CDCA8: variants seen among roughly 807,000 people sequenced by gnomAD.
The protein encoded by CDCA8 is borealin.
CDCA8 carries 25 observed loss-of-function variants against 40.0 expected under a neutral mutation model. The ratio of observed to expected loss-of-function variants is 0.63; its 90% confidence interval spans 0.46 to 0.87. CDCA8 has a LOEUF of 0.87. Ranked by LOEUF, CDCA8 falls within the 40% of genes least tolerant of loss-of-function variation. The pLI, the probability that CDCA8 is intolerant of heterozygous loss-of-function variation, is 0.00. For synonymous variants in CDCA8, 111 were observed against 126.5 expected (o/e 0.88, Z 0.82); for missense variants, 280 against 348.4 (o/e 0.80, Z 1.56).
Position 37,703,246 on chromosome 1 carries a change from C to T in CDCA8, c.489-6C>T. ...GGCATACCTGATGGCCATTTCTTACCTGTAGGTCAAGCCGTGCTAACACTG... is the reference window on the plus strand; with the variant it reads ...GGCATACCTGATGGCCATTTCTTACTTGTAGGTCAAGCCGTGCTAACACTG... On this transcript the variant is annotated splice_region_variant and splice_polypyrimidine_tract_variant and intron_variant, in intron 6 of 9. Transcript: ENST00000373055. The T allele has an allele frequency of 6.2e-7, 1 of 1,610,842 alleles. No homozygotes were observed. Among genetic ancestry groups the T allele is most frequent in the Non-Finnish European group, 8.5e-7 (1 of 1,177,640 alleles).
chr1:37,694,524 A>G (rs1450144254), intron 2 of CDCA8, among the ~76,000 whole-genome samples: 2 of 152,250 alleles, frequency 1.3e-5, no homozygotes, highest in East Asian at 1.9e-4. Flanking sequence ...AAATCCACAT[A>G]CAATTATGTA....
intron 5 of CDCA8, 141 bp downstream of exon 5, chr1:37,700,662 T>C: frequency 1.6e-6 from 1 of 623,740 alleles, no homozygotes; most frequent in Non-Finnish European, 2.9e-6. Context: ...AAGAGATAAT[T>C]GACTGGTGTG....
chr1:37,708,781 C>T lies in CDCA8; in HGVS notation c.*415C>T. 3.7e-6 allele frequency: 1 copy of T among 273,920 alleles called. No individual in the cohort carries two copies. The highest frequency in any genetic ancestry group is 4.4e-5 in the South Asian group (1 of 22,642). The allele number at this position is 273,920 out of a possible 1,614,324, so 17.0% of individuals were successfully genotyped here. ...CAGAGAACCTCTGCATCTGGCATTT[C>T]TGCTCTCTATGCTTGAGACCGGGAG... On this transcript the variant is annotated 3_prime_UTR_variant, in exon 10 of 10. Coordinates refer to ENST00000373055, the MANE Select transcript of CDCA8 (RefSeq NM_001256875.2).
At chr1:37,695,652 T>C (rs149067044) in intron 2 of CDCA8, among the ~76,000 whole-genome samples, 172 of 152,274 alleles carry the variant, frequency 1.1e-3, no homozygotes, top group African/African-American at 3.5e-3. Flanking sequence ...ATGTTTGAGC[T>C]GAGTTTTGAA....
At chr1:37,707,865 A>G (rs1031958987) in intron 9 of CDCA8, among the ~76,000 whole-genome samples, 1 of 152,224 alleles carries the variant, frequency 6.6e-6, no homozygotes, top group East Asian at 1.9e-4. Context: ...GAAGAATGTA[A>G]TGGCTCCGCC....
chr1:37,707,399 C>G (rs1645608972), intron 9 of CDCA8, among the ~76,000 whole-genome samples: 1 of 152,132 alleles, frequency 6.6e-6, no homozygotes, highest in Non-Finnish European at 1.5e-5. Context: ...GAATGAGGGT[C>G]GGGGCTTGTT....
At chr1:37,693,972 T>C (rs1457394672) in intron 2 of CDCA8, among the ~76,000 whole-genome samples, 2 of 151,968 alleles carry the variant, frequency 1.3e-5, no homozygotes, top group Non-Finnish European at 2.9e-5. Context: ...ACCCTGTCTC[T>C]ACTAAAAATA....
Position 37,695,950 on chromosome 1 carries a change from A to G in CDCA8, c.264A>G (p.Thr88=). The G allele has an allele frequency of 6.2e-7, 1 of 1,613,950 alleles. No homozygotes were observed. The highest frequency in any genetic ancestry group is 8.5e-7 in the Non-Finnish European group (1 of 1,179,834). Reference sequence around the variant, plus strand: ...AACAGGCCCTGGAAGAGGCGGCAACAGTAAGTGACCTTTCCTATTTTCCAG... The same window carrying G: ...AACAGGCCCTGGAAGAGGCGGCAACGGTAAGTGACCTTTCCTATTTTCCAG... The part of the protein sequence containing the change: ...GNKQALEEAA[T]ADLDITEINK... Residue 88 remains threonine (T), a splice_region_variant and synonymous_variant, in exon 3 of 10, where the codon ACA becomes ACG. Transcript: ENST00000373055.
In CDCA8 at chr1:37,695,891, T is replaced by G; in HGVS notation, c.224-19T>G. The G allele has an allele frequency of 6.2e-7, 1 of 1,610,498 alleles. No homozygotes were observed. The highest frequency in any genetic ancestry group is 8.5e-7 in the Non-Finnish European group (1 of 1,176,732). ...TTTATTGTTAAAATGTAATAGTAACTACAACGTTCTTTTTAAAGCCCTTGG... is the reference window on the plus strand; with the variant it reads ...TTTATTGTTAAAATGTAATAGTAACGACAACGTTCTTTTTAAAGCCCTTGG... On this transcript the variant is annotated intron_variant, in intron 2 of 9. Coordinates refer to ENST00000373055, the MANE Select transcript of CDCA8 (RefSeq NM_001256875.2).
chr1:37,708,874 A>T lies in CDCA8; in HGVS notation c.*508A>T, dbSNP rs2148292305. On this transcript the variant is annotated 3_prime_UTR_variant, in exon 10 of 10. Transcript: ENST00000373055. ...GTCCAGAAGGTGGGGGGAACTGTAC[A>T]GATCAGCAGAGCAGGACAGTTGGCA... 5.4e-6 allele frequency: 1 copy of T among 184,320 alleles called. No homozygotes were observed. The highest frequency in any genetic ancestry group is 1.3e-4 in the East Asian group (1 of 7,482). The allele number at this position is 184,320 out of a possible 1,614,324, so 11.4% of individuals were successfully genotyped here.
chr1:37,706,748 G>C (rs560754184), intron 8 of CDCA8, among the ~76,000 whole-genome samples: 1 of 152,368 alleles, frequency 6.6e-6, no homozygotes, highest in Non-Finnish European at 1.5e-5. Flanking sequence ...ATACTCTGCA[G>C]GGCATTTCTT....
chr1:37,705,592 G>A (rs994025887), intron 8 of CDCA8, 25 bp downstream of exon 8: 3 of 1,610,942 alleles, frequency 1.9e-6, no homozygotes. Flanking sequence ...AGGGAAGCCA[G>A]GCCACAGTGT....
chr1:37,699,594 AG>A lies in CDCA8; in HGVS notation c.337+619del, dbSNP rs796880666. ...AAAAAAAAAGAAAGAAAGAAAGGAAAGGAAAGGAAAGGAAAGGAAAGGAAAG... is the reference window on the plus strand; with the variant it reads ...AAAAAAAAAGAAAGAAAGAAAGGAAAGAAAGGAAAGGAAAGGAAAGGAAAG... On this transcript the variant is annotated intron_variant, in intron 4 of 9. Coordinates refer to ENST00000373055, the MANE Select transcript of CDCA8 (RefSeq NM_001256875.2). Among the ~76,000 whole-genome samples the A allele has an allele frequency of 0.019, 121 of 6,380 alleles. No homozygotes were observed. In the African/African-American group the frequency reaches 0.26, roughly 14 times the overall value. 4.2% of individuals were successfully genotyped at this position (6,380 alleles called of 152,430 possible). A position where few individuals can be genotyped will look rare whatever the true frequency, so the allele number is the denominator to read the frequency against.
chr1:37,695,692 G>A (rs1645521918), intron 2 of CDCA8, among the ~76,000 whole-genome samples: 1 of 152,184 alleles, frequency 6.6e-6, no homozygotes, highest in African/African-American at 2.4e-5. Context: ...TAAGTACGGA[G>A]GTGAATTTCA....
intron 2 of CDCA8, among the ~76,000 whole-genome samples, chr1:37,694,302 C>T (rs1339226530): frequency 6.6e-6 from 1 of 152,234 alleles, no homozygotes; most frequent in African/African-American, 2.4e-5. Flanking sequence ...AGTCTCCTTC[C>T]TGGATAGAAA....
Position 37,700,435 on chromosome 1 carries a change from G to A in CDCA8, c.338-1G>A. ...CACCCTGTTGAAACTGTTTCTTACA[G>A]CACGAAAGGTAATACAGGTAGATGA... is the stretch of plus-strand genomic sequence containing the variant. On this transcript the variant is annotated splice_acceptor_variant, in intron 4 of 9. Transcript: ENST00000373055. LOFTEE classifies it high-confidence loss of function. 2 of 1,589,306 alleles carry A rather than the reference G, an allele frequency of 1.3e-6. No homozygotes were observed. Among genetic ancestry groups the A allele is most frequent in the Non-Finnish European group, 1.7e-6 (2 of 1,157,862 alleles).
At chr1:37,693,233 G>A (rs190908542) in intron 2 of CDCA8, among the ~76,000 whole-genome samples, 200 bp downstream of exon 2, 1 of 137,686 alleles carries the variant, frequency 7.3e-6, no homozygotes, top group Non-Finnish European at 1.6e-5. Flanking sequence ...TGGTTGGGGG[G>A]CGGCGGGCGG....
chr1:37,700,667 GGTGTGCAAAGT>G (rs1645557766), intron 5 of CDCA8, 146 bp downstream of exon 5: 1 of 617,546 alleles, frequency 1.6e-6, no homozygotes, highest in Non-Finnish European at 3.0e-6. Context: ...ATAATTGACT[GGTGTGCAAAGT>G]GTGTAGAACA....
rs371566364 is a variant in CDCA8 at position 37,693,086 on chromosome 1, G to A, written c.223+53G>A. ...GAGGCCAGGAGCCCCTTGGGGTTAGGTGACACCCTTCAGAAAGGGCTCGCT... is the reference window on the plus strand; with the variant it reads ...GAGGCCAGGAGCCCCTTGGGGTTAGATGACACCCTTCAGAAAGGGCTCGCT... On this transcript the variant is annotated intron_variant, in intron 2 of 9. Coordinates refer to ENST00000373055, the MANE Select transcript of CDCA8 (RefSeq NM_001256875.2). 3.2e-4 allele frequency: 506 copies of A among 1,562,590 alleles called. 4 individuals are homozygous for A. The South Asian group carries it at 5.4e-3, about 17-fold the overall frequency.
Sources: allele counts gnomAD v4.1 joint callset (sites outside exome capture counted in the v4.1 genomes callset), GRCh38; gene constraint gnomAD v4.1.1; transcripts MANE v1.5; gene names NCBI Gene and HGNC (gene_info 2026-07-23, HGNC 2026-07-21).